The following ITCH variants were observed in gnomAD, a reference collection of about 807,000 sequenced individuals.
The protein encoded by ITCH is E3 ubiquitin-protein ligase Itchy homolog.
Under a neutral mutation model 126.8 loss-of-function variants are expected in ITCH, and 28 were observed. The observed-to-expected ratio is 0.22, with a 90% CI of 0.16 to 0.30. The LOEUF is 0.30. Ranked by LOEUF, ITCH falls within the 10% of genes least tolerant of loss-of-function variation. ITCH has a pLI of 1.00. For synonymous variants in ITCH, 342 were observed against 340.0 expected (o/e 1.01, Z -0.06); for missense variants, 631 against 1,032.4 (o/e 0.61, Z 5.33).
At chr20:34,364,724 CAAAAAA>C (rs1171765663) in intron 1 of ITCH, among the ~76,000 whole-genome samples, 3 of 45,578 alleles carry the variant, frequency 6.6e-5, no homozygotes, top group East Asian at 1.3e-3. Flanking sequence ...ACTAAAAATA[CAAAAAA>C]AAAAAAAAAA....
chr20:34,400,694 G>T (rs1475394764), intron 3 of ITCH, among the ~76,000 whole-genome samples: 1 of 144,362 alleles, frequency 6.9e-6, no homozygotes, highest in Non-Finnish European at 1.5e-5. Flanking sequence ...CGCCCAGGCT[G>T]GAGTGCAGTG....
intron 16 of ITCH, among the ~76,000 whole-genome samples, chr20:34,475,570 AG>A (rs914036178): frequency 1.2e-4 from 18 of 152,058 alleles, no homozygotes; most frequent in African/African-American, 4.3e-4. Context: ...CAGGAGAATC[AG>A]GCAGGGAGGT....
intron 6 of ITCH, among the ~76,000 whole-genome samples, chr20:34,417,626 C>T (rs868811596): frequency 2.0e-5 from 3 of 151,050 alleles, no homozygotes; most frequent in African/African-American, 4.9e-5. Flanking sequence ...TGTCGAACTC[C>T]GGACCTCAGT....
At chr20:34,426,774 G>T (rs369810586) in intron 7 of ITCH, among the ~76,000 whole-genome samples, 121 of 134,820 alleles carry the variant, frequency 9.0e-4, no homozygotes, top group Middle Eastern at 8.8e-3. Flanking sequence ...AAGTTTTTTG[G>T]TTTTTTTTTT....
At chr20:34,408,815 G>A (rs984345958) in intron 4 of ITCH, 23 bp downstream of exon 4, 16 of 1,611,928 alleles carry the variant, frequency 9.9e-6, no homozygotes, top group Non-Finnish European at 1.3e-5. Flanking sequence ...GTATTTTTCT[G>A]TAGTATGTTT....
intron 17 of ITCH, 47 bp downstream of exon 17, chr20:34,477,907 G>A (rs1988384641): frequency 1.2e-6 from 2 of 1,609,718 alleles, no homozygotes; most frequent in East Asian, 2.2e-5. Context: ...TCCTCCAAAG[G>A]TACCATTGCA....
At chr20:34,406,343 T>G (rs2039057366) in intron 3 of ITCH, among the ~76,000 whole-genome samples, 1 of 152,090 alleles carries the variant, frequency 6.6e-6, no homozygotes, top group African/African-American at 2.4e-5. Context: ...TCTATTTGTC[T>G]AGCCTTCTCT....
At chr20:34,412,692 G>T in intron 5 of ITCH, 53 bp downstream of exon 5, 2 of 1,463,634 alleles carry the variant, frequency 1.4e-6, no homozygotes, top group Non-Finnish European at 1.9e-6. Flanking sequence ...TTTTCTGGAA[G>T]AAATTTATAT....
chr20:34,400,602 G>A lies in ITCH; in HGVS notation c.70+6721G>A, dbSNP rs143531057. On this transcript the variant is annotated intron_variant, in intron 3 of 24. Coordinates refer to ENST00000374864, the MANE Select transcript of ITCH (RefSeq NM_031483.7). The stretch of plus-strand genomic sequence containing the variant: ...TAATCAGTGTTTGTATCAAAGGGTG[G>A]TTAGATTTGTGTTTTAGAAAGTTAG... Among the ~76,000 whole-genome samples the A allele has an allele frequency of 4.5e-3, 661 of 148,448 alleles. 15 individuals are homozygous for A. The highest frequency in any genetic ancestry group is 0.015 in the African/African-American group (603 of 40,142).
intron 24 of ITCH, among the ~76,000 whole-genome samples, chr20:34,505,066 C>T (rs1329357436): frequency 6.6e-6 from 1 of 151,964 alleles, no homozygotes; most frequent in Non-Finnish European, 1.5e-5. Context: ...GTTTTTGAGA[C>T]AGGGTCTCAC....
At chr20:34,391,649 T>C (rs1403665028) in intron 2 of ITCH, among the ~76,000 whole-genome samples, 1 of 152,152 alleles carries the variant, frequency 6.6e-6, no homozygotes, top group Non-Finnish European at 1.5e-5. Flanking sequence ...TTAAAATGCT[T>C]GGTGAATTTT....
At position 34,376,812 on chromosome 20, in the gene ITCH, T is replaced by G. The variant is rs370116157; in HGVS notation, c.-22+7342T>G. 3.6e-3 allele frequency among the ~76,000 whole-genome samples: 542 copies of G among 152,168 alleles called. 1 individual carries two copies. Among genetic ancestry groups the G allele is most frequent in the Middle Eastern group, 0.024 (7 of 294 alleles). On this transcript the variant is annotated intron_variant, in intron 2 of 24. Coordinates refer to ENST00000374864, the MANE Select transcript of ITCH (RefSeq NM_031483.7). ...TTACTATGGTTGGAGGCAGGGAGAC[T>G]AGGCTATGGAGGTGTCAGTGGGAAT... is the stretch of plus-strand genomic sequence containing the variant.
chr20:34,490,302 ATC>A (rs1433235823), intron 22 of ITCH, among the ~76,000 whole-genome samples: 1 of 152,246 alleles, frequency 6.6e-6, no homozygotes, highest in Non-Finnish European at 1.5e-5. Context: ...TCATAACGGT[ATC>A]TCTCTAAAAA....
intron 23 of ITCH, among the ~76,000 whole-genome samples, chr20:34,501,513 C>A (rs555182588): frequency 6.6e-6 from 1 of 152,158 alleles, no homozygotes; most frequent in African/African-American, 2.4e-5. Context: ...CGGTGGCTCA[C>A]GCCTGTAATC....
At position 34,395,619 on chromosome 20, in the gene ITCH, A is replaced by G. The variant is rs2038647827; in HGVS notation, c.70+1738A>G. On this transcript the variant is annotated intron_variant, in intron 3 of 24. Transcript: ENST00000374864. ...TTAGCAGTCACTCTCCATTTAACCC[A>G]TCCATCCACAAACCCAGGCAACTCC... 4.6e-5 allele frequency among the ~76,000 whole-genome samples: 7 copies of G among 152,162 alleles called. No individual in the cohort carries two copies. In the South Asian group the frequency reaches 1.4e-3, roughly 31 times the overall value.
intron 12 of ITCH, among the ~76,000 whole-genome samples, chr20:34,451,514 C>G (rs1232940045): frequency 1.3e-5 from 2 of 152,192 alleles, no homozygotes; most frequent in East Asian, 3.9e-4. Flanking sequence ...GCTTGGCAGC[C>G]TGGAGTTAAG....
intron 3 of ITCH, among the ~76,000 whole-genome samples, chr20:34,399,444 G>A (rs2038793283): frequency 6.6e-6 from 1 of 152,076 alleles, no homozygotes. Flanking sequence ...GTATTGTAAT[G>A]GCAAGAAGGG....
intron 6 of ITCH, among the ~76,000 whole-genome samples, chr20:34,424,101 C>T (rs186976218): frequency 2.2e-4 from 33 of 152,178 alleles, no homozygotes; most frequent in African/African-American, 7.7e-4. Context: ...TTTCTGGAAT[C>T]GATTTTATTC....
intron 5 of ITCH, 59 bp downstream of exon 5, chr20:34,412,698 T>A (rs1297285430): frequency 7.0e-7 from 1 of 1,425,424 alleles, no homozygotes; most frequent in East Asian, 2.3e-5. Flanking sequence ...GGAAGAAATT[T>A]ATATGTCAAA....
Sources: gnomAD v4.1 joint callset for allele counts (sites outside exome capture counted in the v4.1 genomes callset) on GRCh38, gnomAD v4.1.1 for gene constraint, MANE v1.5 for transcripts, NCBI Gene and HGNC (gene_info 2026-07-23, HGNC 2026-07-21) for gene names.